Variants in TAS2R1 observed in about 807,000 individuals in gnomAD.
TAS2R1 encodes taste 2 receptor member 1, also known as taste receptor type 2 member 1.
For missense variants in TAS2R1, 370 were observed against 353.4 expected (o/e 1.05, Z -0.38); for synonymous variants, 141 against 134.2 (o/e 1.05, Z -0.35).
At chr5:9,815,673 A>C in the TAS2R1 span, among the ~76,000 whole-genome samples, 1 of 148,734 alleles carries the variant, frequency 6.7e-6, no homozygotes, top group South Asian at 2.1e-4. Context: ...TTAAATTCTG[A>C]TCCCTGACCA....
chr5:9,890,985 T>C, the TAS2R1 span, among the ~76,000 whole-genome samples: 6 of 152,326 alleles, frequency 3.9e-5, no homozygotes, highest in African/African-American at 1.4e-4. Flanking sequence ...CCTCAAAGTA[T>C]AGTCTGGAGA....
chr5:9,715,958 A>C (rs1734802499), upstream of TAS2R1, among the ~76,000 whole-genome samples: 1 of 152,172 alleles, frequency 6.6e-6, no homozygotes, highest in South Asian at 2.1e-4. Context: ...ACATACGATT[A>C]TGTTATTTCG....
At chr5:9,772,939 T>G in the TAS2R1 span, among the ~76,000 whole-genome samples, 1 of 152,158 alleles carries the variant, frequency 6.6e-6, no homozygotes, top group Non-Finnish European at 1.5e-5. Context: ...ATTGTGTTTT[T>G]CATCCATTCA....
At chr5:9,803,879 C>T in the TAS2R1 span, among the ~76,000 whole-genome samples, 3 of 152,076 alleles carry the variant, frequency 2.0e-5, no homozygotes, top group Non-Finnish European at 4.4e-5. Context: ...TAGAATAGTA[C>T]CTCATATCTC....
the TAS2R1 span, among the ~76,000 whole-genome samples, chr5:9,848,643 CTTAAT>C: frequency 3.9e-5 from 6 of 152,186 alleles, no homozygotes; most frequent in South Asian, 2.1e-4. Flanking sequence ...TGTTAATTAG[CTTAAT>C]TTAATCATTT....
intron 2 of TAS2R1, among the ~76,000 whole-genome samples, chr5:9,657,932 C>A (rs1378287096): frequency 6.6e-6 from 1 of 152,110 alleles, no homozygotes; most frequent in Non-Finnish European, 1.5e-5. Context: ...GCTGACATAT[C>A]TGACTGGGGG....
At chr5:9,874,517 T>C in the TAS2R1 span, among the ~76,000 whole-genome samples, 1 of 152,174 alleles carries the variant, frequency 6.6e-6, no homozygotes, top group African/African-American at 2.4e-5. Context: ...CCTATTTCAT[T>C]TTCTGGGTAA....
the TAS2R1 span, among the ~76,000 whole-genome samples, chr5:9,852,739 G>A: frequency 0.03 from 4,625 of 152,232 alleles, 229 homozygotes; most frequent in African/African-American, 0.1. Context: ...TTCATTCACA[G>A]CACTGATACC....
chr5:9,780,526 G>A, the TAS2R1 span, among the ~76,000 whole-genome samples: 62 of 152,116 alleles, frequency 4.1e-4, 1 homozygote, highest in Admixed American at 7.2e-4. Flanking sequence ...CCATCTCCAC[G>A]TCTTTCTGCA....
chr5:9,631,808 A>G (rs1739877966), upstream of TAS2R1, among the ~76,000 whole-genome samples: 1 of 152,214 alleles, frequency 6.6e-6, no homozygotes, highest in African/African-American at 2.4e-5. Context: ...AGGTTCTTTT[A>G]TGGCTCTTCT....
chr5:9,800,386 T>C, the TAS2R1 span, among the ~76,000 whole-genome samples: 1 of 152,192 alleles, frequency 6.6e-6, no homozygotes, highest in Non-Finnish European at 1.5e-5. Flanking sequence ...AGGTTTCCAA[T>C]GTAATACAGA....
chr5:9,707,441 A>G (rs1461373218), intron 1 of TAS2R1, among the ~76,000 whole-genome samples: 1 of 152,210 alleles, frequency 6.6e-6, no homozygotes, highest in Admixed American at 6.5e-5. Context: ...TGACCTGAAG[A>G]AAACACACAG....
At chr5:9,703,527 G>C (rs1741535286) in intron 1 of TAS2R1, among the ~76,000 whole-genome samples, 1 of 152,090 alleles carries the variant, frequency 6.6e-6, no homozygotes, top group South Asian at 2.1e-4. Flanking sequence ...GACTGTACCT[G>C]CACAGGGGCT....
At chr5:9,766,582 G>A in the TAS2R1 span, among the ~76,000 whole-genome samples, 1 of 152,362 alleles carries the variant, frequency 6.6e-6, no homozygotes, top group South Asian at 2.1e-4. Flanking sequence ...ATAAGGCAAT[G>A]ATCACGGATC....
chr5:9,862,191 C>T, the TAS2R1 span, among the ~76,000 whole-genome samples: 26 of 104,494 alleles, frequency 2.5e-4, no homozygotes, highest in South Asian at 7.1e-3. Flanking sequence ...AATCAAGCAA[C>T]GTTAAGTTTA....
At chr5:9,691,313 A>C (rs1027313315) in intron 1 of TAS2R1, among the ~76,000 whole-genome samples, 2 of 152,234 alleles carry the variant, frequency 1.3e-5, no homozygotes, top group Non-Finnish European at 2.9e-5. Context: ...CGGAAGAGGC[A>C]AGGATCCCCC....
At chr5:9,843,972 A>G in the TAS2R1 span, among the ~76,000 whole-genome samples, 12 of 152,212 alleles carry the variant, frequency 7.9e-5, no homozygotes, top group Non-Finnish European at 1.8e-4. Flanking sequence ...GTTCCTTGCC[A>G]TGTGAACTTC....
At chr5:9,817,897 G>A in the TAS2R1 span, among the ~76,000 whole-genome samples, 1 of 151,854 alleles carries the variant, frequency 6.6e-6, no homozygotes, top group African/African-American at 2.4e-5. Context: ...GGGAGGGGGA[G>A]GGGAAGTGCC....
At chr5:9,692,656 G>A (rs1233358869) in intron 1 of TAS2R1, among the ~76,000 whole-genome samples, 1 of 152,146 alleles carries the variant, frequency 6.6e-6, no homozygotes, top group Non-Finnish European at 1.5e-5. Context: ...TCCTAATATA[G>A]GGCATTGTCT....
Sources: gnomAD v4.1 joint callset for allele counts (sites outside exome capture counted in the v4.1 genomes callset) on GRCh38, gnomAD v4.1.1 for gene constraint, MANE v1.5 for transcripts, NCBI Gene and HGNC (gene_info 2026-07-23, HGNC 2026-07-21) for gene names.